The following ANGPTL2 variants were observed in gnomAD, a reference collection of about 807,000 sequenced individuals.
ANGPTL2 encodes the protein angiopoietin like 2.
ANGPTL2 carries 25 observed loss-of-function variants against 52.8 expected under a neutral mutation model. The observed-to-expected ratio is 0.47, with a 90% confidence interval of 0.35 to 0.66. The LOEUF (loss-of-function observed/expected upper bound fraction) is 0.66, where lower values mean the gene tolerates loss of function less well. Ranked by LOEUF, ANGPTL2 falls within the 30% of genes least tolerant of loss-of-function variation. The pLI is 0.01. For synonymous variants in ANGPTL2, 276 were observed against 277.4 expected (o/e 1.00, Z 0.05); for missense variants, 546 against 656.9 (o/e 0.83, Z 1.84).
At chr9:127,119,383 G>A (rs1288353092) in intron 1 of ANGPTL2, among the ~76,000 whole-genome samples, 1 of 152,192 alleles carries the variant, frequency 6.6e-6, no homozygotes, top group Non-Finnish European at 1.5e-5. Context: ...GACGACACTG[G>A]GCAGGGACCC....
chr9:127,094,846 G>C (rs1419502871), intron 2 of ANGPTL2, among the ~76,000 whole-genome samples: 1 of 152,234 alleles, frequency 6.6e-6, no homozygotes, highest in Admixed American at 6.5e-5. Flanking sequence ...GGGCAGCCCA[G>C]TCAGAAGGAA....
intron 2 of ANGPTL2, among the ~76,000 whole-genome samples, chr9:127,103,201 A>G (rs1473745406): frequency 1.3e-5 from 2 of 152,358 alleles, no homozygotes; most frequent in South Asian, 2.1e-4. Context: ...GGGAACCACA[A>G]TCGTGTACGT....
Position 127,091,844 on chromosome 9 carries a change from C to G in ANGPTL2, c.1108G>C (p.Glu370Gln). 1 of 1,614,204 alleles carries G rather than the reference C, an allele frequency of 6.2e-7. No homozygotes were observed. The highest frequency in any genetic ancestry group is 8.5e-7 in the Non-Finnish European group (1 of 1,180,040). Residue 370 changes from glutamate (E) to glutamine (Q), a missense_variant, in exon 4 of 5, where the codon GAG becomes CAG. Transcript: ENST00000373425. The surrounding 1 kb of genome is among the most constrained non-coding windows in gnomAD (Gnocchi z 4.3). Reference protein sequence around the residue: ...QGNYKLLVTMEDWSGRKVFAE... With the variant: ...QGNYKLLVTMQDWSGRKVFAE... Reference sequence around the variant, plus strand: ...AAGACTTTGCGGCCGGACCAGTCCTCCATGGTCACCAGGAGTTTGTAGTTG... The same window carrying G: ...AAGACTTTGCGGCCGGACCAGTCCTGCATGGTCACCAGGAGTTTGTAGTTG...
At chr9:127,112,223 C>A (rs1448951039) in intron 1 of ANGPTL2, among the ~76,000 whole-genome samples, 3 of 152,238 alleles carry the variant, frequency 2.0e-5, no homozygotes, top group African/African-American at 7.2e-5. Flanking sequence ...GGTGGGGCTG[C>A]AGTGACGTCA....
chr9:127,104,946 C>T (rs2054075905), intron 2 of ANGPTL2, among the ~76,000 whole-genome samples: 1 of 152,200 alleles, frequency 6.6e-6, no homozygotes, highest in Non-Finnish European at 1.5e-5. Flanking sequence ...TCTGAACAGA[C>T]CTGATAAGAA....
chr9:127,111,387 G>A (rs537469482), intron 1 of ANGPTL2, among the ~76,000 whole-genome samples: 55 of 152,336 alleles, frequency 3.6e-4, no homozygotes, highest in African/African-American at 1.3e-3. Flanking sequence ...ATGGTAGGGA[G>A]GTGTTTGTGT....
intron 2 of ANGPTL2, among the ~76,000 whole-genome samples, chr9:127,096,538 G>C (rs1008213257): frequency 5.3e-5 from 8 of 152,222 alleles, no homozygotes; most frequent in Admixed American, 4.6e-4. Context: ...GCTGCTGGGA[G>C]AGTGGCAGTT....
intron 4 of ANGPTL2, among the ~76,000 whole-genome samples, chr9:127,090,288 C>T (rs996046063): frequency 3.9e-5 from 6 of 152,246 alleles, no homozygotes; most frequent in African/African-American, 1.4e-4. Flanking sequence ...ACTTTCCGCT[C>T]CCTAAGGAGG....
At chr9:127,120,014 G>T (rs1275603419) in intron 1 of ANGPTL2, among the ~76,000 whole-genome samples, 2 of 152,194 alleles carry the variant, frequency 1.3e-5, no homozygotes, top group Non-Finnish European at 2.9e-5. Flanking sequence ...TGGAACCTCA[G>T]GGGGCCACAG....
chr9:127,093,756 A>G lies in ANGPTL2; in HGVS notation c.988T>C (p.Phe330Leu), dbSNP rs747350338. The G allele has an allele frequency of 6.2e-7, 1 of 1,614,020 alleles. No homozygotes were observed. The highest frequency in any genetic ancestry group is 2.2e-5 in the East Asian group (1 of 44,862). The change falls in exon 3 of 5, where the codon TTC (phenylalanine) becomes CTC (leucine). Residue 330 changes from phenylalanine (F) to leucine (L), a missense_variant. Phe to Leu is a conservative substitution (Grantham distance 22, BLOSUM62 0). Transcript: ENST00000373425. The stretch of plus-strand genomic sequence containing the variant: ...ACCTTGTACGTCTCCCAGTTCCTGA[A>G]GAAGTTAACAGAGCCATCCAGGCGT... ...QRRLDGSVNF[F>L]RNWETYKQGF...
Position 127,088,866 on chromosome 9 carries a change from C to A in ANGPTL2, c.*73G>T, listed in dbSNP as rs761716759. The A allele has an allele frequency of 3.2e-6, 5 of 1,573,070 alleles. No homozygotes were observed. Among genetic ancestry groups the A allele is most frequent in the East Asian group, 2.2e-5 (1 of 44,618 alleles). On this transcript the variant is annotated 3_prime_UTR_variant, in exon 5 of 5. Coordinates refer to ENST00000373425, the MANE Select transcript of ANGPTL2 (RefSeq NM_012098.3). ...CAGGATGAACTGGTGAGGAGTTGTT[C>A]TTTGTGCTGTGGCCAGCGTGACCAG...
chr9:127,098,219 CT>C (rs2136687724), intron 2 of ANGPTL2, among the ~76,000 whole-genome samples: 1 of 152,308 alleles, frequency 6.6e-6, no homozygotes, highest in South Asian at 2.1e-4. Flanking sequence ...GAATGGAAAT[CT>C]TTTTTGTCAA....
chr9:127,119,661 A>T (rs2055836389), intron 1 of ANGPTL2, among the ~76,000 whole-genome samples: 2 of 152,148 alleles, frequency 1.3e-5, no homozygotes, highest in African/African-American at 4.8e-5. Flanking sequence ...TTCCTAAATC[A>T]CTGGGGGATG....
At chr9:127,098,534 A>G (rs1404064158) in intron 2 of ANGPTL2, among the ~76,000 whole-genome samples, 1 of 152,226 alleles carries the variant, frequency 6.6e-6, no homozygotes, top group African/African-American at 2.4e-5. Context: ...GGGTAGGCAC[A>G]CAGGGTCTGG....
chr9:127,109,741 C>A (rs990627012), intron 1 of ANGPTL2, among the ~76,000 whole-genome samples: 1 of 152,228 alleles, frequency 6.6e-6, no homozygotes, highest in Non-Finnish European at 1.5e-5. Flanking sequence ...CCAGTCCCTG[C>A]CCTCATGGGG....
chr9:127,097,329 A>C (rs2053243808), intron 2 of ANGPTL2, among the ~76,000 whole-genome samples: 1 of 152,266 alleles, frequency 6.6e-6, no homozygotes, highest in Non-Finnish European at 1.5e-5. Context: ...TCGAGTAGGT[A>C]TCAAATTGTG....
At position 127,099,419 on chromosome 9, in the gene ANGPTL2, C is replaced by T. The variant is rs12115340; in HGVS notation, c.818-5493G>A. On this transcript the variant is annotated intron_variant, in intron 2 of 4. Coordinates refer to ENST00000373425, the MANE Select transcript of ANGPTL2 (RefSeq NM_012098.3). ...ACCACTCCCTGAAACATTTTTCTAACAGGAGAAATGACTAACTGTTGAAAT... is the reference window on the plus strand; with the variant it reads ...ACCACTCCCTGAAACATTTTTCTAATAGGAGAAATGACTAACTGTTGAAAT... 4.5e-3 allele frequency among the ~76,000 whole-genome samples: 684 copies of T among 152,318 alleles called. 2 individuals carry two copies. Among genetic ancestry groups the T allele is most frequent in the African/African-American group, 0.015 (637 of 41,578 alleles).
chr9:127,097,021 TC>T (rs1202078531), intron 2 of ANGPTL2, among the ~76,000 whole-genome samples: 1 of 152,124 alleles, frequency 6.6e-6, no homozygotes, highest in Non-Finnish European at 1.5e-5. Context: ...CTACTTCTTT[TC>T]CCCCAACCAG....
At chr9:127,113,081 G>T (rs1364479808) in intron 1 of ANGPTL2, among the ~76,000 whole-genome samples, 1 of 152,170 alleles carries the variant, frequency 6.6e-6, no homozygotes, top group Non-Finnish European at 1.5e-5. Flanking sequence ...CTTAGTGGGG[G>T]TGACTCAGAA....
Sources: allele counts gnomAD v4.1 joint callset (sites outside exome capture counted in the v4.1 genomes callset), GRCh38; gene constraint gnomAD v4.1.1; non-coding constraint Gnocchi (gnomAD v3.1); transcripts MANE v1.5; gene names NCBI Gene and HGNC (gene_info 2026-07-23, HGNC 2026-07-21).